Variants in ERBB4 observed in about 807,000 individuals in gnomAD.
ERBB4 encodes erb-b2 receptor tyrosine kinase 4, also known as receptor tyrosine-protein kinase erbB-4.
In ERBB4, 42 loss-of-function variants were observed where a neutral mutation model predicts 158.0. That is an observed-to-expected ratio of 0.27 (90% CI 0.21 to 0.34). The LOEUF (loss-of-function observed/expected upper bound fraction) is 0.34. ERBB4 is among the 10% of genes least tolerant of loss of function. ERBB4 has a pLI of 1.00. For missense variants in ERBB4, 1,333 were observed against 1,624.1 expected, an observed-to-expected ratio of 0.82 and a Z score of 3.08; for synonymous variants, 583 against 558.7, an observed-to-expected ratio of 1.04 and a Z score of -0.61.
In ERBB4 at chr2:211,540,878, G is replaced by A. The variant is rs545954234; in HGVS notation, c.2487+21025C>T. 2.6e-5 allele frequency among the ~76,000 whole-genome samples: 4 copies of A among 151,942 alleles called. 1 individual carries two copies. In the South Asian group the frequency reaches 8.3e-4, roughly 32 times the overall value. ...GTATAACAAAAATAATTTTACCATA[G>A]GCTAATTGATATAAACAAGAGTTAA... On this transcript the variant is annotated intron_variant, in intron 20 of 27. Coordinates refer to ENST00000342788, the MANE Select transcript of ERBB4 (RefSeq NM_005235.3).
At chr2:212,223,063 G>A (rs934779829) in intron 1 of ERBB4, among the ~76,000 whole-genome samples, 10 of 151,344 alleles carry the variant, frequency 6.6e-5, no homozygotes, top group Non-Finnish European at 1.5e-4. Flanking sequence ...CTCTTAGGGG[G>A]CTAGGGTTGC....
rs2081027443 is a variant in ERBB4, at chr2:212,156,076, G to T, written c.83-31173C>A. Among the ~76,000 whole-genome samples, 6 of 152,204 alleles carry T rather than the reference G, an allele frequency of 3.9e-5. No homozygotes were observed. The South Asian group carries it at 1.2e-3, about 32-fold the overall frequency. On this transcript the variant is annotated intron_variant, in intron 1 of 27. Transcript: ENST00000342788. ...GGGTCTGTGACACACACAAAGTCAA[G>T]AACCCCTGTCTCAGCTCTCCTGGGT...
intron 14 of ERBB4, among the ~76,000 whole-genome samples, chr2:211,671,534 A>T (rs2071839948): frequency 6.6e-6 from 1 of 152,194 alleles, no homozygotes; most frequent in Admixed American, 6.5e-5. Flanking sequence ...AACATTAGGC[A>T]AGTTTTGGCA....
At chr2:212,521,730 T>C (rs1283394578) in intron 1 of ERBB4, among the ~76,000 whole-genome samples, 1 of 151,954 alleles carries the variant, frequency 6.6e-6, no homozygotes, top group Non-Finnish European at 1.5e-5. Context: ...GATGGGATGA[T>C]TGAAGCTTAA....
intron 1 of ERBB4, among the ~76,000 whole-genome samples, chr2:212,179,342 C>CTTT (rs3038239): frequency 6.0e-4 from 87 of 145,982 alleles, no homozygotes; most frequent in Admixed American, 1.9e-3. Flanking sequence ...ACATTGAGAG[C>CTTT]TTTTTTTTTT....
At chr2:211,669,216 CAAAAAA>C (rs71054124) in intron 14 of ERBB4, among the ~76,000 whole-genome samples, 4 of 56,110 alleles carry the variant, frequency 7.1e-5, no homozygotes, top group Non-Finnish European at 1.0e-4. Flanking sequence ...GAGTGAGTCT[CAAAAAA>C]AAAAAAAAAA....
intron 1 of ERBB4, among the ~76,000 whole-genome samples, chr2:212,147,016 G>A (rs1225162878): frequency 8.4e-6 from 1 of 118,834 alleles, no homozygotes; most frequent in African/African-American, 3.4e-5. Context: ...TTTGAGACAG[G>A]GTCTCACTCT....
intron 1 of ERBB4, among the ~76,000 whole-genome samples, chr2:212,185,519 G>A (rs567518072): frequency 9.2e-5 from 14 of 152,186 alleles, no homozygotes; most frequent in South Asian, 8.3e-4. Flanking sequence ...TAACACGTAA[G>A]TACTTCAGAT....
At chr2:211,958,281 T>A (rs2081085610) in intron 2 of ERBB4, among the ~76,000 whole-genome samples, 1 of 152,130 alleles carries the variant, frequency 6.6e-6, no homozygotes, top group African/African-American at 2.4e-5. Context: ...CAATAGGCAT[T>A]CTATGGACAT....
At chr2:211,864,237 T>C (rs2106090476) in intron 3 of ERBB4, among the ~76,000 whole-genome samples, 1 of 152,336 alleles carries the variant, frequency 6.6e-6, no homozygotes, top group South Asian at 2.1e-4. Flanking sequence ...GCTGTTGCTA[T>C]CTCCTCTATC....
chr2:211,885,714 C>G (rs1163117983), intron 3 of ERBB4, among the ~76,000 whole-genome samples: 2 of 152,086 alleles, frequency 1.3e-5, no homozygotes, highest in African/African-American at 4.8e-5. Context: ...CCCGCCTTGG[C>G]CTCCCAAATG....
At chr2:212,210,846 A>G (rs1559753741) in intron 1 of ERBB4, among the ~76,000 whole-genome samples, 1 of 152,060 alleles carries the variant, frequency 6.6e-6, no homozygotes, top group East Asian at 1.9e-4. Flanking sequence ...TTGGTTCTAT[A>G]TCTCCAACCT....
At chr2:212,224,812 A>G (rs2083419627) in intron 1 of ERBB4, among the ~76,000 whole-genome samples, 1 of 152,048 alleles carries the variant, frequency 6.6e-6, no homozygotes, top group African/African-American at 2.4e-5. Flanking sequence ...GTAACTGAAA[A>G]TTTACTGTCT....
At chr2:212,384,138 A>T (rs2090598247) in intron 1 of ERBB4, among the ~76,000 whole-genome samples, 1 of 151,710 alleles carries the variant, frequency 6.6e-6, no homozygotes. Context: ...TAAGCACAGA[A>T]GCTGCTTTTC....
At chr2:212,519,540 G>A (rs1301181862) in intron 1 of ERBB4, among the ~76,000 whole-genome samples, 1 of 151,886 alleles carries the variant, frequency 6.6e-6, no homozygotes, top group Non-Finnish European at 1.5e-5. Flanking sequence ...GGCATATCAG[G>A]GGGCGGGGGG....
intron 20 of ERBB4, among the ~76,000 whole-genome samples, chr2:211,504,015 G>C (rs377025447): frequency 6.6e-6 from 1 of 152,056 alleles, no homozygotes; most frequent in African/African-American, 2.4e-5. Context: ...TGTCATCACT[G>C]CAATTGCCTC....
intron 1 of ERBB4, among the ~76,000 whole-genome samples, chr2:212,405,748 C>A (rs539698624): frequency 1.3e-5 from 2 of 152,180 alleles, no homozygotes; most frequent in Admixed American, 6.6e-5. Flanking sequence ...TAGGGAGCAG[C>A]CACACTTAGT....
chr2:212,146,194 A>G (rs542078288), intron 1 of ERBB4, among the ~76,000 whole-genome samples: 1 of 152,312 alleles, frequency 6.6e-6, no homozygotes, highest in Non-Finnish European at 1.5e-5. Flanking sequence ...TTAAATATTT[A>G]GTGTTTCAGT....
chr2:211,703,837 A>C (rs2073340685), intron 11 of ERBB4, among the ~76,000 whole-genome samples: 1 of 152,184 alleles, frequency 6.6e-6, no homozygotes, highest in African/African-American at 2.4e-5. Flanking sequence ...TGAAAGTTTC[A>C]TTGGATTGTT....
Sources: allele counts gnomAD v4.1 joint callset (sites outside exome capture counted in the v4.1 genomes callset), GRCh38; gene constraint gnomAD v4.1.1; transcripts MANE v1.5; gene names NCBI Gene and HGNC (gene_info 2026-07-23, HGNC 2026-07-21).